The following NPHP1 variants were observed in gnomAD, a reference collection of about 807,000 sequenced individuals.
NPHP1 encodes the protein nephrocystin-1.
Under a neutral mutation model 90.4 loss-of-function variants are expected in NPHP1, and 70 were observed. The ratio of observed to expected loss-of-function variants is 0.77; its 90% confidence interval spans 0.64 to 0.95. The LOEUF (loss-of-function observed/expected upper bound fraction) is 0.95, where lower values mean the gene tolerates loss of function less well. NPHP1 is among the 40% of genes least tolerant of loss of function. The pLI is 0.00. For synonymous variants in NPHP1, 256 were observed against 271.7 expected (o/e 0.94, Z 0.57); for missense variants, 764 against 795.9 (o/e 0.96, Z 0.48).
At chr2:110,125,848 C>T in intron 18 of NPHP1, 167 bp from the exon 19 acceptor site, 1 of 667,004 alleles carries the variant, frequency 1.5e-6, no homozygotes, top group Admixed American at 2.2e-5. Context: ...GCAAATGACC[C>T]AGCACCAGAA....
At chr2:110,166,144 G>C (rs920365985) in intron 6 of NPHP1, among the ~76,000 whole-genome samples, 1 of 152,220 alleles carries the variant, frequency 6.6e-6, no homozygotes, top group Admixed American at 6.5e-5. Flanking sequence ...CTGATTGTTA[G>C]AGGTGGGAGT....
chr2:110,185,313 C>T (rs1458244323), intron 2 of NPHP1: 2 of 369,460 alleles, frequency 5.4e-6, no homozygotes, highest in East Asian at 6.8e-5. Context: ...TGAGCACATG[C>T]AAGTGCCATG....
rs140034444 is a variant in NPHP1, at chr2:110,183,623, C to T, written c.144-3939G>A. Among the ~76,000 whole-genome samples the T allele has an allele frequency of 1.0e-3, 158 of 152,226 alleles. 1 individual carries two copies. Among genetic ancestry groups the T allele is most frequent in the Middle Eastern group, 6.8e-3 (2 of 294 alleles). ...CGCCGCTGGGTTAGGGTCTCCATGA[C>T]CGAGCTGGTCTCGGCAACCCAGATT... On this transcript the variant is annotated intron_variant, in intron 2 of 19. Coordinates refer to ENST00000445609, the MANE Select transcript of NPHP1 (RefSeq NM_001128178.3).
At chr2:110,191,870 C>A (rs1331274280) in intron 2 of NPHP1, among the ~76,000 whole-genome samples, 1 of 152,156 alleles carries the variant, frequency 6.6e-6, no homozygotes, top group African/African-American at 2.4e-5. Flanking sequence ...GTTCTGCAGC[C>A]TCTGCTGCTG....
intron 15 of NPHP1, 110 bp from the exon 16 acceptor site, chr2:110,143,751 T>C: frequency 1.3e-6 from 1 of 784,064 alleles, no homozygotes; most frequent in African/African-American, 1.7e-5. Flanking sequence ...CTGAATTGAA[T>C]GAAAGGCAAG....
chr2:110,161,279 A>C (rs1276938456), intron 10 of NPHP1, among the ~76,000 whole-genome samples: 1 of 152,176 alleles, frequency 6.6e-6, no homozygotes, highest in Non-Finnish European at 1.5e-5. Context: ...CATAATTATC[A>C]AAATAACTTT....
rs1420998696 is a variant in NPHP1, at chr2:110,147,924, T to C, written c.1261A>G (p.Ile421Val). ...TCTTTCAACGGACATACATTGCGAA[T>C]ATAAGAAATTCCAAGTTCAAATAAT... Reference protein sequence around the residue: ...GILFELGISYIRNSTGERGEL... With the variant: ...GILFELGISYVRNSTGERGEL... Residue 421 changes from isoleucine to valine, a missense_variant, in exon 13 of 20, where the codon ATT becomes GTT. By Grantham distance (29) the Ile-to-Val change is conservative (BLOSUM62 3). Transcript: ENST00000445609. 1 of 1,557,536 alleles carries C rather than the reference T, an allele frequency of 6.4e-7. No homozygotes were observed. The highest frequency in any genetic ancestry group is 8.9e-7 in the Non-Finnish European group (1 of 1,128,226).
intron 17 of NPHP1, 143 bp from the exon 18 acceptor site, chr2:110,129,402 G>T (rs1057117605): frequency 4.1e-6 from 3 of 737,574 alleles, no homozygotes. Flanking sequence ...ACTTCTAGGA[G>T]AGCTCAAAGC....
At chr2:110,165,024 A>G (rs755826024) in intron 7 of NPHP1, 28 bp downstream of exon 7, 1 of 1,525,684 alleles carries the variant, frequency 6.6e-7, no homozygotes, top group East Asian at 2.3e-5. Context: ...TCCTAAACCT[A>G]CTTTGATATC....
intron 2 of NPHP1, among the ~76,000 whole-genome samples, chr2:110,200,240 G>A (rs1017906620): frequency 4.1e-5 from 6 of 147,072 alleles, no homozygotes; most frequent in African/African-American, 1.0e-4. Context: ...GGGCGACAGA[G>A]AGAGACTCTA....
intron 14 of NPHP1, among the ~76,000 whole-genome samples, chr2:110,145,088 T>G (rs1427723462): frequency 6.6e-6 from 1 of 152,128 alleles, no homozygotes; most frequent in Non-Finnish European, 1.5e-5. Flanking sequence ...CTGCCCTATC[T>G]TTTCTATGCA....
At chr2:110,155,051 G>A (rs193210601) in intron 11 of NPHP1, among the ~76,000 whole-genome samples, 24 of 152,154 alleles carry the variant, frequency 1.6e-4, no homozygotes, top group East Asian at 9.7e-4. Flanking sequence ...GGGCCAGGCC[G>A]AGGGTCCCCA....
intron 18 of NPHP1, chr2:110,126,071 C>T (rs1679342507): frequency 3.5e-6 from 1 of 281,944 alleles, no homozygotes; most frequent in Admixed American, 4.9e-5. Context: ...CTACAATTCT[C>T]TCTGTCATGA....
chr2:110,173,885 C>T (rs1314314389), intron 4 of NPHP1, among the ~76,000 whole-genome samples: 2 of 152,058 alleles, frequency 1.3e-5, no homozygotes, highest in African/African-American at 4.8e-5. Flanking sequence ...TTGCTTTATA[C>T]ATTTGAACCC....
intron 11 of NPHP1, among the ~76,000 whole-genome samples, chr2:110,155,124 G>A (rs55911798): frequency 5.4e-4 from 82 of 152,160 alleles, no homozygotes; most frequent in African/African-American, 1.9e-3. Flanking sequence ...TGACTAAAAG[G>A]GGCCAAGATA....
At chr2:110,136,321 A>T (rs1033588744) in intron 16 of NPHP1, among the ~76,000 whole-genome samples, 1 of 152,204 alleles carries the variant, frequency 6.6e-6, no homozygotes, top group Non-Finnish European at 1.5e-5. Context: ...AGTTCCGACC[A>T]GGGCAATCAG....
chr2:110,141,253 A>G (rs1439662086), intron 16 of NPHP1, among the ~76,000 whole-genome samples: 2 of 152,214 alleles, frequency 1.3e-5, no homozygotes, highest in African/African-American at 2.4e-5. Context: ...TTATCTATAT[A>G]TAAGATAATT....
At chr2:110,137,779 G>A (rs1308431873) in intron 16 of NPHP1, among the ~76,000 whole-genome samples, 3 of 151,024 alleles carry the variant, frequency 2.0e-5, no homozygotes, top group African/African-American at 7.3e-5. Flanking sequence ...ATTCCTCAGG[G>A]ATCTAGAACT....
chr2:110,200,548 G>C (rs9326627), intron 2 of NPHP1, among the ~76,000 whole-genome samples: 21,098 of 152,106 alleles, frequency 0.14, 3,101 homozygotes, highest in African/African-American at 0.38. Flanking sequence ...GGGTGACAGA[G>C]TGAGATTTAG....
Sources: allele counts gnomAD v4.1 joint callset (sites outside exome capture counted in the v4.1 genomes callset), GRCh38; gene constraint gnomAD v4.1.1; transcripts MANE v1.5; gene names NCBI Gene and HGNC (gene_info 2026-07-23, HGNC 2026-07-21).